MPP7: variants seen among roughly 807,000 people sequenced by gnomAD.
MPP7 encodes the protein MAGUK p55 subfamily member 7.
In MPP7, 60 loss-of-function variants were observed where a neutral mutation model predicts 76.5. The ratio of observed to expected loss-of-function variants is 0.78; its 90% confidence interval spans 0.64 to 0.97. The LOEUF is 0.97. MPP7 is among the 50% of genes least tolerant of loss of function. MPP7 has a pLI of 0.00. For synonymous variants in MPP7, 237 were observed against 244.5 expected (o/e 0.97, Z 0.29); for missense variants, 641 against 694.0 (o/e 0.92, Z 0.86).
intron 13 of MPP7, among the ~76,000 whole-genome samples, chr10:28,060,167 T>A (rs1851722630): frequency 6.6e-6 from 1 of 152,178 alleles, no homozygotes; most frequent in Non-Finnish European, 1.5e-5. Flanking sequence ...ACTCTCTTCT[T>A]CTCATGGGAC....
chr10:28,248,540 T>C (rs1870099), intron 1 of MPP7, among the ~76,000 whole-genome samples: 151,766 of 152,242 alleles, frequency 1, 75,645 homozygotes, highest in Middle Eastern at 1. Flanking sequence ...TTCCACTTAA[T>C]GATCTTTGCC....
chr10:28,277,049 C>T (rs111299673), intron 1 of MPP7, among the ~76,000 whole-genome samples: 1,634 of 151,958 alleles, frequency 0.011, 34 homozygotes, highest in African/African-American at 0.038. Flanking sequence ...AATTCATTAG[C>T]CTGGTTTGGT....
At chr10:28,255,033 C>T (rs867760005) in intron 1 of MPP7, among the ~76,000 whole-genome samples, 1 of 152,184 alleles carries the variant, frequency 6.6e-6, no homozygotes, top group South Asian at 2.1e-4. Context: ...CTAGAAGTTA[C>T]TGAATTTCTA....
chr10:28,061,209 A>G (rs1381696215), intron 13 of MPP7, among the ~76,000 whole-genome samples: 1 of 152,188 alleles, frequency 6.6e-6, no homozygotes, highest in Admixed American at 6.5e-5. Flanking sequence ...AAGGGGAAAG[A>G]TAACAGATAG....
At chr10:28,148,162 G>A (rs1388925274) in intron 4 of MPP7, among the ~76,000 whole-genome samples, 1 of 152,098 alleles carries the variant, frequency 6.6e-6, no homozygotes, top group Non-Finnish European at 1.5e-5. Flanking sequence ...GCTATAATGG[G>A]TTGACAGCTA....
intron 11 of MPP7, among the ~76,000 whole-genome samples, chr10:28,105,724 T>C (rs1380290338): frequency 6.6e-6 from 1 of 152,164 alleles, no homozygotes; most frequent in Non-Finnish European, 1.5e-5. Flanking sequence ...GCCAGGCTGG[T>C]CTTGAACTCC....
intron 1 of MPP7, among the ~76,000 whole-genome samples, chr10:28,289,557 T>C (rs1840864315): frequency 6.6e-6 from 1 of 152,078 alleles, no homozygotes; most frequent in South Asian, 2.1e-4. Context: ...TTTTTTTGCG[T>C]GTTTAAGAGA....
intron 1 of MPP7, among the ~76,000 whole-genome samples, chr10:28,297,911 T>C (rs561766044): frequency 2.0e-5 from 3 of 152,344 alleles, no homozygotes; most frequent in Admixed American, 6.5e-5. Context: ...TCACCAAGAA[T>C]AGACTCTCTC....
intron 1 of MPP7, among the ~76,000 whole-genome samples, chr10:28,279,778 T>G (rs780052623): frequency 6.6e-6 from 1 of 152,056 alleles, no homozygotes. Context: ...GATGTAAGTT[T>G]AAGGACGGAA....
intron 1 of MPP7, among the ~76,000 whole-genome samples, chr10:28,243,611 C>T (rs1268944939): frequency 6.6e-6 from 1 of 151,882 alleles, no homozygotes; most frequent in Non-Finnish European, 1.5e-5. Context: ...CTTTAAGAAA[C>T]TGCCATATAT....
chr10:28,320,834 T>TTTTG lies in MPP7; in HGVS notation c.-132+9094_-132+9095insCAAA, dbSNP rs1554870621. ...AAAACTAGTGCAGTTTTTTGTTTGT[T>TTTTG]TTTTTTTTGTTCCTCTGCAGTGGTT... On this transcript the variant is annotated intron_variant, in intron 2 of 11. Transcript: ENST00000441595. Among the ~76,000 whole-genome samples, 6 of 151,586 alleles carry TTTTG rather than the reference T, an allele frequency of 4.0e-5. No homozygotes were observed. The South Asian group carries it at 1.0e-3, about 26-fold the overall frequency.
chr10:28,311,759 T>C (rs1331519158), intron 2 of MPP7, among the ~76,000 whole-genome samples: 1 of 148,620 alleles, frequency 6.7e-6, no homozygotes, highest in Non-Finnish European at 1.5e-5. Context: ...GATGTGTTAA[T>C]ACACACACAC....
chr10:28,054,123 G>A lies in MPP7; in HGVS notation c.1673C>T (p.Thr558Ile). 6.2e-7 allele frequency: 1 copy of A among 1,613,600 alleles called. No homozygotes were observed. The highest frequency in any genetic ancestry group is 1.1e-5 in the South Asian group (1 of 91,040). The change falls in exon 17 of 17, where the codon ACT (threonine) becomes ATT (isoleucine). Residue 558 changes from threonine to isoleucine, a missense_variant. Coordinates refer to ENST00000683449, the MANE Select transcript of MPP7 (RefSeq NM_001318170.2). Reference protein sequence around the residue: ...LTVAFNELKTTFDKLETETHW... With the variant: ...LTVAFNELKTIFDKLETETHW... ...GGTCTCTGTCTCTAATTTGTCAAAA[G>A]TTGTTTTGAGCTCATTGAATGCCAC...
chr10:28,120,998 T>G (rs1478909437), intron 8 of MPP7, among the ~76,000 whole-genome samples: 1 of 152,186 alleles, frequency 6.6e-6, no homozygotes, highest in African/African-American at 2.4e-5. Flanking sequence ...AAACACAGTA[T>G]TCAATGACTA....
chr10:28,224,422 T>C (rs1838621159), intron 2 of MPP7, among the ~76,000 whole-genome samples: 1 of 151,908 alleles, frequency 6.6e-6, no homozygotes, highest in Non-Finnish European at 1.5e-5. Flanking sequence ...GCTCTTTTCA[T>C]TGACTTTCTG....
chr10:28,104,563 A>G (rs1186476472), intron 11 of MPP7, among the ~76,000 whole-genome samples: 1 of 152,228 alleles, frequency 6.6e-6, no homozygotes, highest in Non-Finnish European at 1.5e-5. Context: ...TATTTGTAAC[A>G]AAGTAACTTT....
intron 1 of MPP7, among the ~76,000 whole-genome samples, chr10:28,330,889 A>G (rs112705421): frequency 6.6e-6 from 1 of 152,166 alleles, no homozygotes; most frequent in Non-Finnish European, 1.5e-5. Context: ...TCAAACTCCT[A>G]GGCTCAATTA....
chr10:28,159,009 C>T (rs1414010988), intron 3 of MPP7, among the ~76,000 whole-genome samples: 2 of 152,124 alleles, frequency 1.3e-5, no homozygotes, highest in Admixed American at 6.5e-5. Flanking sequence ...AAGCCAACTC[C>T]CCTACCCCTG....
intron 2 of MPP7, among the ~76,000 whole-genome samples, chr10:28,222,913 A>C (rs1838564878): frequency 6.6e-6 from 1 of 150,872 alleles, no homozygotes; most frequent in Non-Finnish European, 1.5e-5. Flanking sequence ...ACATAAGCAT[A>C]CTGGGGATCT....
Sources: gnomAD v4.1 joint callset for allele counts (sites outside exome capture counted in the v4.1 genomes callset) on GRCh38, gnomAD v4.1.1 for gene constraint, MANE v1.5 for transcripts, NCBI Gene and HGNC (gene_info 2026-07-23, HGNC 2026-07-21) for gene names.